The following CARMIL2 variants were observed in gnomAD, a reference collection of about 807,000 sequenced individuals.
The protein encoded by CARMIL2 is capping protein, Arp2/3 and myosin-I linker protein 2.
A neutral mutation model predicts 173.3 loss-of-function variants in CARMIL2; 96 were observed. The ratio of observed to expected loss-of-function variants is 0.55; its 90% confidence interval spans 0.47 to 0.66. The LOEUF (loss-of-function observed/expected upper bound fraction) is 0.66. Among genes scored for constraint, CARMIL2 ranks in the 30% least tolerant of loss-of-function variants. The pLI is 0.00. For synonymous variants in CARMIL2, 830 were observed against 817.1 expected (o/e 1.02, Z -0.27); for missense variants, 1,771 against 1,906.7 (o/e 0.93, Z 1.33).
chr16:67,654,190 CCGCGTGGACGAG>C lies in CARMIL2; in HGVS notation c.3163_3174del (p.Arg1055_Glu1058del). ...CGCAGGAAGGGAATGGGCTCAGTGCCCGCGTGGACGAGGGCGTGGAGGAATTCTTCTCCAAAA... is the reference window on the plus strand; with the variant it reads ...CGCAGGAAGGGAATGGGCTCAGTGCCGGCGTGGAGGAATTCTTCTCCAAAA... On this transcript the variant is annotated inframe_deletion, in exon 30 of 38. Coordinates refer to ENST00000334583, the MANE Select transcript of CARMIL2 (RefSeq NM_001013838.3). 2 of 1,569,486 alleles carry C rather than the reference CCGCGTGGACGAG, an allele frequency of 1.3e-6. No homozygotes were observed. Among genetic ancestry groups the C allele is most frequent in the Non-Finnish European group, 1.7e-6 (2 of 1,157,744 alleles).
intron 31 of CARMIL2, 37 bp from the exon 32 acceptor site, chr16:67,654,741 C>A (rs757555433): frequency 1.2e-6 from 2 of 1,610,744 alleles, no homozygotes; most frequent in African/African-American, 1.3e-5. Flanking sequence ...GGACCCAGGG[C>A]GCGGACTGTC....
rs745455172 is a variant in CARMIL2 at position 67,651,786 on chromosome 16, G to T, written c.2529G>T (p.Ser843=). ...REQLEGVLAG[S]RGLPELLPEQ... ...AGCTAGAGGGGGTCCTGGCAGGCTCGAGGGGCCTCCCGGAGCTGCTCCCAG... is the reference window on the plus strand; with the variant it reads ...AGCTAGAGGGGGTCCTGGCAGGCTCTAGGGGCCTCCCGGAGCTGCTCCCAG... The change falls in exon 25 of 38, where the codon TCG becomes TCT. Residue 843 remains serine, a synonymous_variant. Coordinates refer to ENST00000334583, the MANE Select transcript of CARMIL2 (RefSeq NM_001013838.3). The surrounding 1 kb of genome is among the most constrained non-coding windows in gnomAD (Gnocchi z 4.2). The T allele has an allele frequency of 1.2e-6, 2 of 1,609,162 alleles. No homozygotes were observed. The highest frequency in any genetic ancestry group is 1.7e-6 in the Non-Finnish European group (2 of 1,178,402).
In CARMIL2 at chr16:67,651,779, C is replaced by CCTCCCGG; in HGVS notation, c.2522_2523insCTCCCGG (p.Gly842SerfsTer22). The stretch of plus-strand genomic sequence containing the variant: ...AGGGAGCAGCTAGAGGGGGTCCTGG[C>CCTCCCGG]AGGCTCGAGGGGCCTCCCGGAGCTG... On this transcript the variant is annotated frameshift_variant, in exon 25 of 38. Coordinates refer to ENST00000334583, the MANE Select transcript of CARMIL2 (RefSeq NM_001013838.3). LOFTEE classifies it high-confidence loss of function. This position sits in a 1 kb window ranked among gnomAD's most constrained non-coding sequence, Gnocchi z 4.2. 1 of 1,607,188 alleles carries CCTCCCGG rather than the reference C, an allele frequency of 6.2e-7. No individual in the cohort carries two copies. The highest frequency in any genetic ancestry group is 8.5e-7 in the Non-Finnish European group (1 of 1,177,472).
intron 33 of CARMIL2, 54 bp from the exon 34 acceptor site, chr16:67,656,174 T>A (rs1321742313): frequency 6.2e-7 from 1 of 1,611,326 alleles, no homozygotes; most frequent in South Asian, 1.1e-5. Flanking sequence ...GGCCAGGTTT[T>A]TCTTCCCCTC....
chr16:67,648,902 G>T lies in CARMIL2; in HGVS notation c.1519G>T (p.Ala507Ser). The change falls in exon 17 of 38, where the codon GCC (alanine) becomes TCC (serine). Residue 507 changes from alanine to serine, a missense_variant. Transcript: ENST00000334583. This position sits in a 1 kb window ranked among gnomAD's most constrained non-coding sequence, Gnocchi z 6.1. Reference protein sequence around the residue: ...LDLSACELRSAGAQVIQDLVC... With the variant: ...LDLSACELRSSGAQVIQDLVC... ...CACCTCCCACATACAGCTGCGCTCGGCCGGCGCCCAGGTGATACAAGACTT... is the reference window on the plus strand; with the variant it reads ...CACCTCCCACATACAGCTGCGCTCGTCCGGCGCCCAGGTGATACAAGACTT... 6.2e-7 allele frequency: 1 copy of T among 1,605,836 alleles called. No individual in the cohort carries two copies. Among genetic ancestry groups the T allele is most frequent in the Admixed American group, 1.7e-5 (1 of 58,956 alleles).
Position 67,652,390 on chromosome 16 carries a change from C to G in CARMIL2, c.2817+51C>G. 6.2e-7 allele frequency: 1 copy of G among 1,611,682 alleles called. No homozygotes were observed. The highest frequency in any genetic ancestry group is 8.5e-7 in the Non-Finnish European group (1 of 1,178,532). On this transcript the variant is annotated intron_variant, in intron 27 of 37. Coordinates refer to ENST00000334583, the MANE Select transcript of CARMIL2 (RefSeq NM_001013838.3). This position sits in a 1 kb window ranked among gnomAD's most constrained non-coding sequence, Gnocchi z 4.7. ...TGGCACTCCCAGTCTTCCCATCTTGCTGTGGAGTGTGGAAGGTGAAAGGCA... is the reference window on the plus strand; with the variant it reads ...TGGCACTCCCAGTCTTCCCATCTTGGTGTGGAGTGTGGAAGGTGAAAGGCA...
chr16:67,652,961 C>T lies in CARMIL2; in HGVS notation c.2885-58C>T. ...GGCGGGTCCCCCGCCGCCCTAGCGC[C>T]TCCGCCGCCACCTCCCCGGGCTCGG... is the stretch of plus-strand genomic sequence containing the variant. On this transcript the variant is annotated intron_variant, in intron 28 of 37. Transcript: ENST00000334583. The surrounding 1 kb of genome is among the most constrained non-coding windows in gnomAD (Gnocchi z 4.7). The T allele has an allele frequency of 1.0e-6, 1 of 962,568 alleles. No homozygotes were observed. Among genetic ancestry groups the T allele is most frequent in the East Asian group, 6.1e-5 (1 of 16,510 alleles). The allele number at this position is 962,568 out of a possible 1,614,324, so 59.6% of individuals were successfully genotyped here.
Position 67,648,005 on chromosome 16 carries a change from C to T in CARMIL2, c.1071+47C>T. ...GGGAGCTTGGGGTTGCTCATAAGCC[C>T]TGGGTAGGCGATCCCCCACTCCATC... On this transcript the variant is annotated intron_variant, in intron 13 of 37. Coordinates refer to ENST00000334583, the MANE Select transcript of CARMIL2 (RefSeq NM_001013838.3). This position sits in a 1 kb window ranked among gnomAD's most constrained non-coding sequence, Gnocchi z 6.1. The T allele has an allele frequency of 6.2e-7, 1 of 1,607,248 alleles. No homozygotes were observed. Among genetic ancestry groups the T allele is most frequent in the Non-Finnish European group, 8.5e-7 (1 of 1,176,888 alleles).
rs2052880066 is a variant in CARMIL2, at chr16:67,657,180, AGGGGATGG to A, written c.4118-58_4118-51del. 2 of 1,454,436 alleles carry A rather than the reference AGGGGATGG, an allele frequency of 1.4e-6. No individual in the cohort carries two copies. Among genetic ancestry groups the A allele is most frequent in the Admixed American group, 3.6e-5 (2 of 56,004 alleles). The allele number at this position is 1,454,436 out of a possible 1,614,324, so 90.1% of individuals were successfully genotyped here. On this transcript the variant is annotated intron_variant, in intron 36 of 37. Coordinates refer to ENST00000334583, the MANE Select transcript of CARMIL2 (RefSeq NM_001013838.3). The surrounding 1 kb of genome is among the most constrained non-coding windows in gnomAD (Gnocchi z 4.5). ...TGCACTGGAGGTGGAAGAGAGGGGCAGGGGATGGACAGACCCCAAGCCTTAGCAACCCA... is the reference window on the plus strand; with the variant it reads ...TGCACTGGAGGTGGAAGAGAGGGGCAACAGACCCCAAGCCTTAGCAACCCA...
intron 35 of CARMIL2, 71 bp from the exon 36 acceptor site, chr16:67,656,730 C>A (rs74026418): frequency 0.062 from 97,728 of 1,565,464 alleles, 5,550 homozygotes; most frequent in African/African-American, 0.29. Flanking sequence ...TCTAAGGACC[C>A]TGAGGGTGGG....
At position 67,652,600 on chromosome 16, in the gene CARMIL2, G is replaced by T. The variant is rs1445805334; in HGVS notation, c.2884+62G>T. ...TGGGCTGAAGCTCCATTAGACTTGG[G>T]GACCCGGGGACCTGGATGAACTCAT... On this transcript the variant is annotated intron_variant, in intron 28 of 37. Transcript: ENST00000334583. This position sits in a 1 kb window ranked among gnomAD's most constrained non-coding sequence, Gnocchi z 4.7. 4.0e-6 allele frequency: 6 copies of T among 1,489,288 alleles called. No homozygotes were observed. In the African/African-American group the frequency reaches 8.3e-5, roughly 21 times the overall value. The allele number at this position is 1,489,288 out of a possible 1,614,324, so 92.3% of individuals were successfully genotyped here.
In CARMIL2 at chr16:67,654,674, G is replaced by A. The variant is rs771330451; in HGVS notation, c.3564G>A (p.Leu1188=). ...TGCCTGCCGAGGAGGAGGCAACGCTGGGTGCCAGACCCGACAAGGTGAGGC... is the reference window on the plus strand; with the variant it reads ...TGCCTGCCGAGGAGGAGGCAACGCTAGGTGCCAGACCCGACAAGGTGAGGC... ...ILLPAEEEAT[L]GARPDKRRPL... The change falls in exon 31 of 38, where the codon CTG becomes CTA. Residue 1188 remains leucine (L), a synonymous_variant. Coordinates refer to ENST00000334583, the MANE Select transcript of CARMIL2 (RefSeq NM_001013838.3). The A allele has an allele frequency of 6.3e-7, 1 of 1,588,590 alleles. No homozygotes were observed. Among genetic ancestry groups the A allele is most frequent in the Admixed American group, 1.7e-5 (1 of 57,608 alleles).
chr16:67,645,625 T>C lies in CARMIL2; in HGVS notation c.126T>C (p.His42=), dbSNP rs1188542316. 1.2e-6 allele frequency: 2 copies of C among 1,613,456 alleles called. No homozygotes were observed. The highest frequency in any genetic ancestry group is 1.7e-6 in the Non-Finnish European group (2 of 1,179,838). Residue 42 remains histidine, a synonymous_variant, in exon 2 of 38, where the codon CAT becomes CAC. Transcript: ENST00000334583. ...WLPGEGAVQN[H]VLALLRWRAY... is the part of the protein sequence containing the mutation. ...CCGGGGAGGGTGCTGTGCAAAACCA[T>C]GTCCTGGTATGGGGCAGGGGACAGA... is the stretch of plus-strand genomic sequence containing the variant.
chr16:67,654,927 G>A (rs1225570502), intron 32 of CARMIL2, 27 bp downstream of exon 32: 1 of 1,612,346 alleles, frequency 6.2e-7, no homozygotes, highest in Non-Finnish European at 8.5e-7. Flanking sequence ...TGAGCATGAA[G>A]TGAGAGGGCA....
intron 22 of CARMIL2, 26 bp downstream of exon 22, chr16:67,650,176 G>T: frequency 6.3e-7 from 1 of 1,581,400 alleles, no homozygotes; most frequent in African/African-American, 1.3e-5. Flanking sequence ...CCAACCACGA[G>T]AGGTAGGGCA....
At position 67,652,023 on chromosome 16, in the gene CARMIL2, T is replaced by C; in HGVS notation, c.2676+15T>C. On this transcript the variant is annotated intron_variant, in intron 26 of 37. Transcript: ENST00000334583. The surrounding 1 kb of genome is among the most constrained non-coding windows in gnomAD (Gnocchi z 4.7). ...GGGATCAGCTGGTGAGGGGGAGATG[T>C]GCACACACTTTCGTGCAAACACACA... is the stretch of plus-strand genomic sequence containing the variant. 1 of 1,612,948 alleles carries C rather than the reference T, an allele frequency of 6.2e-7. No individual in the cohort carries two copies. The highest frequency in any genetic ancestry group is 8.5e-7 in the Non-Finnish European group (1 of 1,179,412).
At chr16:67,647,255 A>G (rs2052610794) in intron 9 of CARMIL2, 44 bp from the exon 10 acceptor site, 1 of 1,610,452 alleles carries the variant, frequency 6.2e-7, no homozygotes, top group South Asian at 1.1e-5. Flanking sequence ...CAGCCCGCTG[A>G]GGGCCAGGGT....
At position 67,652,624 on chromosome 16, in the gene CARMIL2, A is replaced by T. The variant is rs1490305182; in HGVS notation, c.2884+86A>T. ...GGGACCCGGGGACCTGGATGAACTCATTCAGCCTTGTCTGGGTACCCACCA... is the reference window on the plus strand; with the variant it reads ...GGGACCCGGGGACCTGGATGAACTCTTTCAGCCTTGTCTGGGTACCCACCA... On this transcript the variant is annotated intron_variant, in intron 28 of 37. Coordinates refer to ENST00000334583, the MANE Select transcript of CARMIL2 (RefSeq NM_001013838.3). This position sits in a 1 kb window ranked among gnomAD's most constrained non-coding sequence, Gnocchi z 4.7. The T allele has an allele frequency of 3.0e-6, 4 of 1,321,748 alleles. No homozygotes were observed. Among genetic ancestry groups the T allele is most frequent in the Non-Finnish European group, 4.3e-6 (4 of 937,836 alleles). The allele number at this position is 1,321,748 out of a possible 1,614,324, so 81.9% of individuals were successfully genotyped here.
At position 67,653,529 on chromosome 16, in the gene CARMIL2, A is replaced by C. The variant is rs1012835645; in HGVS notation, c.3120+275A>C. 1.3e-5 allele frequency among the ~76,000 whole-genome samples: 2 copies of C among 151,926 alleles called. No homozygotes were observed. On this transcript the variant is annotated intron_variant, in intron 29 of 37. Coordinates refer to ENST00000334583, the MANE Select transcript of CARMIL2 (RefSeq NM_001013838.3). This position sits in a 1 kb window ranked among gnomAD's most constrained non-coding sequence, Gnocchi z 7.4. Reference sequence around the variant, plus strand: ...CGCGGCCTCCGTGGCTGCGCGAGAGAGGGTGTCCGTCCTCCCTCCCTCCCC... The same window carrying C: ...CGCGGCCTCCGTGGCTGCGCGAGAGCGGGTGTCCGTCCTCCCTCCCTCCCC...
Sources: allele counts gnomAD v4.1 joint callset (sites outside exome capture counted in the v4.1 genomes callset), GRCh38; gene constraint gnomAD v4.1.1; non-coding constraint Gnocchi (gnomAD v3.1); transcripts MANE v1.5; gene names NCBI Gene and HGNC (gene_info 2026-07-23, HGNC 2026-07-21).